Variants in APMAP observed in about 807,000 individuals in gnomAD.
The protein encoded by APMAP is adipocyte plasma membrane-associated protein.
In APMAP, 33 loss-of-function variants were observed where a neutral mutation model predicts 43.6. The observed-to-expected ratio is 0.76, with a 90% CI of 0.57 to 1.01. APMAP has a LOEUF of 1.01. Among genes scored for constraint, APMAP ranks in the 50% least tolerant of loss-of-function variants. The pLI is 0.00. For missense variants in APMAP, 498 were observed against 540.7 expected (o/e 0.92, Z 0.78); for synonymous variants, 224 against 216.7 (o/e 1.03, Z -0.30).
At chr20:24,990,910 C>G (rs1018823441) in intron 1 of APMAP, among the ~76,000 whole-genome samples, 3 of 152,168 alleles carry the variant, frequency 2.0e-5, no homozygotes, top group Non-Finnish European at 4.4e-5. Context: ...CACAGGGAAA[C>G]AGGAACAATG....
At position 24,963,703 on chromosome 20, in the gene APMAP, G is replaced by A. The variant is rs1231210635; in HGVS notation, c.*110C>T. ...CACCACCTCTCAGGGACTAACAGGTGCATGTGGACACTTGAACCACGACTG... is the reference window on the plus strand; with the variant it reads ...CACCACCTCTCAGGGACTAACAGGTACATGTGGACACTTGAACCACGACTG... On this transcript the variant is annotated 3_prime_UTR_variant, in exon 9 of 9. Coordinates refer to ENST00000217456, the MANE Select transcript of APMAP (RefSeq NM_020531.3). The A allele has an allele frequency of 8.1e-6, 9 of 1,116,296 alleles. No individual in the cohort carries two copies. In the East Asian group the frequency reaches 2.1e-4, roughly 26 times the overall value. The allele number at this position is 1,116,296 out of a possible 1,614,324, so 69.1% of individuals were successfully genotyped here.
intron 1 of APMAP, among the ~76,000 whole-genome samples, chr20:24,985,385 C>T: frequency 6.6e-6 from 1 of 152,208 alleles, no homozygotes; most frequent in East Asian, 1.9e-4. Context: ...GCATTTTGGA[C>T]AGCACCTCTG....
intron 3 of APMAP, among the ~76,000 whole-genome samples, chr20:24,977,177 C>T (rs1031542910): frequency 1.3e-5 from 2 of 152,202 alleles, no homozygotes; most frequent in Non-Finnish European, 2.9e-5. Context: ...CTACAGACTC[C>T]GAGTACTATT....
At chr20:24,978,928 T>C in intron 2 of APMAP, 46 bp from the exon 3 acceptor site, 1 of 1,476,464 alleles carries the variant, frequency 6.8e-7, no homozygotes, top group South Asian at 1.1e-5. Flanking sequence ...AATACACATG[T>C]GAAGAAAATG....
chr20:24,973,537 G>A (rs1363133492), intron 4 of APMAP, 108 bp downstream of exon 4: 1 of 1,075,122 alleles, frequency 9.3e-7, no homozygotes, highest in East Asian at 2.5e-5. Context: ...GATGGTCAGA[G>A]GTTCTTTTTC....
chr20:24,969,705 C>T (rs1261225263), intron 6 of APMAP, 45 bp from the exon 7 acceptor site: 3 of 1,577,730 alleles, frequency 1.9e-6, no homozygotes, highest in African/African-American at 2.7e-5. Flanking sequence ...GAATCCCTGG[C>T]TCCCACTCTG....
intron 3 of APMAP, among the ~76,000 whole-genome samples, chr20:24,977,313 G>A (rs147737949): frequency 2.1e-3 from 314 of 152,336 alleles, no homozygotes; most frequent in Non-Finnish European, 3.4e-3. Context: ...ACACCCAATC[G>A]TAATAAAAAC....
chr20:24,969,757 C>A, intron 6 of APMAP, 97 bp from the exon 7 acceptor site: 4 of 1,459,712 alleles, frequency 2.7e-6, no homozygotes, highest in Non-Finnish European at 2.7e-6. Context: ...CTCCGCCTCA[C>A]CCCGGAGCAA....
At chr20:24,971,331 G>A (rs1027003472) in intron 5 of APMAP, 129 bp downstream of exon 5, 7 of 844,246 alleles carry the variant, frequency 8.3e-6, no homozygotes, top group African/African-American at 3.4e-5. Context: ...TTTCAGTACT[G>A]TTCAGTGAAT....
chr20:24,986,666 G>C (rs563547520), intron 1 of APMAP, among the ~76,000 whole-genome samples: 1 of 152,344 alleles, frequency 6.6e-6, no homozygotes, highest in East Asian at 1.9e-4. Flanking sequence ...GTCCAAATGA[G>C]AGTATGCCAA....
intron 1 of APMAP, 59 bp downstream of exon 1, chr20:24,992,535 G>A (rs1028644970): frequency 5.1e-6 from 7 of 1,380,760 alleles, no homozygotes; most frequent in South Asian, 1.5e-5. Context: ...CTGTCCAAGA[G>A]GGTCGCCCTC....
At chr20:24,964,450 G>A in intron 8 of APMAP, 1 of 471,684 alleles carries the variant, frequency 2.1e-6, no homozygotes, top group South Asian at 1.5e-5. Flanking sequence ...AATAGGCAAG[G>A]TGCAAATGAT....
intron 8 of APMAP, among the ~76,000 whole-genome samples, chr20:24,967,960 GC>G (rs1199635356): frequency 1.3e-5 from 2 of 152,244 alleles, no homozygotes; most frequent in African/African-American, 4.8e-5. Context: ...TGTGCACGCA[GC>G]CCCCAGGAGG....
At chr20:24,975,365 T>G (rs1226208253) in intron 3 of APMAP, among the ~76,000 whole-genome samples, 1 of 152,208 alleles carries the variant, frequency 6.6e-6, no homozygotes, top group Admixed American at 6.5e-5. Flanking sequence ...TTGACTCACC[T>G]TCCTTTATAC....
At chr20:24,971,299 A>G (rs979782821) in intron 5 of APMAP, among the ~76,000 whole-genome samples, 161 bp downstream of exon 5, 6 of 152,246 alleles carry the variant, frequency 3.9e-5, no homozygotes, top group African/African-American at 1.4e-4. Context: ...GTTTAAAACT[A>G]GCTGACTTTT....
chr20:24,965,798 T>C (rs576907764), intron 8 of APMAP, among the ~76,000 whole-genome samples: 1 of 152,272 alleles, frequency 6.6e-6, no homozygotes, highest in East Asian at 1.9e-4. Flanking sequence ...GCACAGAAAA[T>C]GGTTGAACAG....
At chr20:24,978,947 G>A in intron 2 of APMAP, 65 bp from the exon 3 acceptor site, 1 of 1,292,900 alleles carries the variant, frequency 7.7e-7, no homozygotes, top group Non-Finnish European at 1.1e-6. Context: ...TGTGTACCGA[G>A]CACCTGCTCT....
intron 5 of APMAP, 31 bp from the exon 6 acceptor site, chr20:24,970,402 C>G: frequency 6.3e-7 from 1 of 1,588,288 alleles, no homozygotes. Context: ...AAAAGATTGA[C>G]TTGAACTAGG....
At chr20:24,981,147 G>T (rs2088101340) in intron 2 of APMAP, among the ~76,000 whole-genome samples, 1 of 152,218 alleles carries the variant, frequency 6.6e-6, no homozygotes, top group African/African-American at 2.4e-5. Context: ...CACCAGGAAG[G>T]CTGCAGGGCT....
Sources: allele counts gnomAD v4.1 joint callset (sites outside exome capture counted in the v4.1 genomes callset), GRCh38; gene constraint gnomAD v4.1.1; transcripts MANE v1.5; gene names NCBI Gene and HGNC (gene_info 2026-07-23, HGNC 2026-07-21).